PCDHGB5: variants seen among roughly 807,000 people sequenced by gnomAD.
The protein encoded by PCDHGB5 is protocadherin gamma-B5.
PCDHGB5 carries 48 observed loss-of-function variants against 62.9 expected under a neutral mutation model. The observed-to-expected ratio is 0.76, with a 90% CI of 0.61 to 0.97. The LOEUF is 0.97. Ranked by LOEUF, PCDHGB5 falls within the 50% of genes least tolerant of loss-of-function variation. PCDHGB5 has a pLI of 0.00. For synonymous variants in PCDHGB5, 474 were observed against 511.2 expected, an observed-to-expected ratio of 0.93 and a Z score of 0.98; for missense variants, 1,118 against 1,198.6, an observed-to-expected ratio of 0.93 and a Z score of 0.99.
chr5:141,502,173 T>C (rs1377892969), intron 2 of PCDHGB5, among the ~76,000 whole-genome samples: 2 of 152,178 alleles, frequency 1.3e-5, no homozygotes, highest in African/African-American at 4.8e-5. Flanking sequence ...AGTTGAGGAA[T>C]TTAACATTAA....
intron 1 of PCDHGB5, chr5:141,417,617 A>G (rs576281946): frequency 9.3e-6 from 6 of 646,206 alleles, no homozygotes; most frequent in African/African-American, 1.8e-5. Flanking sequence ...GCCAGTGCAG[A>G]GCAAGCGCTG....
rs200568923 is a variant in PCDHGB5 at position 141,413,794 on chromosome 5, G to A, written c.2397+13270G>A. On this transcript the variant is annotated intron_variant, in intron 1 of 3. Coordinates refer to ENST00000617380, the MANE Select transcript of PCDHGB5 (RefSeq NM_018925.3). The stretch of plus-strand genomic sequence containing the variant: ...GGTACTGGAGCACTCCCTAGATCGC[G>A]AGGAAGAGGCCATTCACCACCTGGT... 6.7e-5 allele frequency: 108 copies of A among 1,613,050 alleles called. No individual in the cohort carries two copies. Among genetic ancestry groups the A allele is most frequent in the Admixed American group, 8.3e-5 (5 of 59,990 alleles).
Position 141,423,601 on chromosome 5 carries a change from C to T in PCDHGB5, c.2397+23077C>T, listed in dbSNP as rs372165060. On this transcript the variant is annotated intron_variant, in intron 1 of 3. Transcript: ENST00000617380. The stretch of plus-strand genomic sequence containing the variant: ...GGAGAGCTGTGAGAAAAGCGAGCCA[C>T]TCTTGATAGCTGAAGACTCAGCTAT... The T allele has an allele frequency of 1.9e-6, 3 of 1,612,586 alleles. No homozygotes were observed. Among genetic ancestry groups the T allele is most frequent in the Admixed American group, 1.7e-5 (1 of 59,924 alleles).
intron 1 of PCDHGB5, among the ~76,000 whole-genome samples, chr5:141,463,380 A>G (rs994170903): frequency 2.0e-5 from 3 of 149,876 alleles, no homozygotes; most frequent in Admixed American, 6.7e-5. Context: ...ACAGTCTGAA[A>G]GTTGTCTCCA....
chr5:141,499,402 A>G (rs2099791723), intron 2 of PCDHGB5, among the ~76,000 whole-genome samples: 2 of 152,212 alleles, frequency 1.3e-5, no homozygotes, highest in South Asian at 4.1e-4. Context: ...GTACATGCTC[A>G]TTATAGAAAC....
chr5:141,474,970 A>G (rs1309289477), intron 1 of PCDHGB5, among the ~76,000 whole-genome samples: 4 of 152,212 alleles, frequency 2.6e-5, no homozygotes, highest in African/African-American at 9.6e-5. Context: ...TAATCATTAT[A>G]ATTTTGTTTG....
rs200715621 is a variant in PCDHGB5 at position 141,432,628 on chromosome 5, G to A, written c.2397+32104G>A. 3.2e-4 allele frequency: 515 copies of A among 1,611,902 alleles called. No individual in the cohort carries two copies. Among genetic ancestry groups the A allele is most frequent in the Non-Finnish European group, 4.2e-4 (497 of 1,179,404 alleles). On this transcript the variant is annotated intron_variant, in intron 1 of 3. Coordinates refer to ENST00000617380, the MANE Select transcript of PCDHGB5 (RefSeq NM_018925.3). The surrounding 1 kb of genome is among the most constrained non-coding windows in gnomAD (Gnocchi z 6.0). ...GACTCTTCTCGGTGGGTCTGCACAC[G>A]GGCGAGGTGCGCACGGCGCGAGCCC...
intron 1 of PCDHGB5, among the ~76,000 whole-genome samples, chr5:141,488,782 C>T (rs990081222): frequency 2.0e-5 from 3 of 152,178 alleles, no homozygotes; most frequent in Non-Finnish European, 1.5e-5. Flanking sequence ...TTTTGTATCA[C>T]TTTGTCTTCC....
intron 1 of PCDHGB5, chr5:141,430,634 C>A: frequency 1.1e-6 from 1 of 882,730 alleles, no homozygotes; most frequent in Non-Finnish European, 1.7e-6. Flanking sequence ...TGAACCATCC[C>A]TGGGAGTATG....
Position 141,485,432 on chromosome 5 carries a change from A to C in PCDHGB5, c.2398-9375A>C. The C allele has an allele frequency of 6.2e-7, 1 of 1,614,178 alleles. No individual in the cohort carries two copies. Among genetic ancestry groups the C allele is most frequent in the Non-Finnish European group, 8.5e-7 (1 of 1,180,028 alleles). ...TTTGGACAGCGGAGCCCTGCTCATC[A>C]AGAACCCAATCGACCGAGAGGCACT... On this transcript the variant is annotated intron_variant, in intron 1 of 3. Transcript: ENST00000617380. The surrounding 1 kb of genome is among the most constrained non-coding windows in gnomAD (Gnocchi z 5.7).
At chr5:141,442,674 A>G (rs2098335634) in intron 1 of PCDHGB5, among the ~76,000 whole-genome samples, 1 of 152,272 alleles carries the variant, frequency 6.6e-6, no homozygotes, top group Non-Finnish European at 1.5e-5. Context: ...GGTGAGCTTG[A>G]GGGACAGTAG....
chr5:141,458,823 C>T (rs1185812086), intron 1 of PCDHGB5, among the ~76,000 whole-genome samples: 1 of 152,126 alleles, frequency 6.6e-6, no homozygotes, highest in African/African-American at 2.4e-5. Flanking sequence ...ACCTCTGCCT[C>T]CCAGGCTCAA....
Position 141,476,091 on chromosome 5 carries a change from G to T in PCDHGB5, c.2398-18716G>T, listed in dbSNP as rs1470774975. The T allele has an allele frequency of 1.3e-6, 2 of 1,563,074 alleles. No homozygotes were observed. Among genetic ancestry groups the T allele is most frequent in the Non-Finnish European group, 1.7e-6 (2 of 1,159,286 alleles). On this transcript the variant is annotated intron_variant, in intron 1 of 3. Coordinates refer to ENST00000617380, the MANE Select transcript of PCDHGB5 (RefSeq NM_018925.3). This position sits in a 1 kb window ranked among gnomAD's most constrained non-coding sequence, Gnocchi z 7.6. ...AAATCTCAGGGACGATCTGGACCCC[G>T]CTGAGAGGAACTGCTTTTGAGTGAG...
chr5:141,457,480 G>A lies in PCDHGB5; in HGVS notation c.2398-37327G>A, dbSNP rs566798464. ...GATTCACAGGAATAAGCAGGGCCAGGGTTAGTCTAAAATGTAGGCAAAAAG... is the reference window on the plus strand; with the variant it reads ...GATTCACAGGAATAAGCAGGGCCAGAGTTAGTCTAAAATGTAGGCAAAAAG... On this transcript the variant is annotated intron_variant, in intron 1 of 3. Transcript: ENST00000617380. 2.0e-5 allele frequency among the ~76,000 whole-genome samples: 3 copies of A among 152,266 alleles called. No individual in the cohort carries two copies. In the South Asian group the frequency reaches 6.2e-4, roughly 32 times the overall value.
chr5:141,487,596 A>T lies in PCDHGB5; in HGVS notation c.2398-7211A>T. The stretch of plus-strand genomic sequence containing the variant: ...GTTCGCCCAAGCTGCCCACCCTCTG[A>T]TCTTCTCTATGGGCTAGAGGTGAGA... On this transcript the variant is annotated intron_variant, in intron 1 of 3. Transcript: ENST00000617380. The surrounding 1 kb of genome is among the most constrained non-coding windows in gnomAD (Gnocchi z 5.0). The T allele has an allele frequency of 1.2e-6, 2 of 1,614,108 alleles. No individual in the cohort carries two copies. Among genetic ancestry groups the T allele is most frequent in the Non-Finnish European group, 8.5e-7 (1 of 1,180,024 alleles).
chr5:141,478,435 G>A, intron 1 of PCDHGB5: 1 of 1,613,736 alleles, frequency 6.2e-7, no homozygotes, highest in Non-Finnish European at 8.5e-7. Context: ...ACCCGCTGCT[G>A]AAGAAACCTG....
intron 2 of PCDHGB5, 149 bp from the exon 3 acceptor site, chr5:141,505,244 T>C (rs886952348): frequency 7.0e-7 from 1 of 1,428,216 alleles, no homozygotes; most frequent in Non-Finnish European, 9.4e-7. Context: ...TGAAGGATTG[T>C]AGAAGTGCCT....
chr5:141,443,254 G>A (rs185181143), intron 1 of PCDHGB5, among the ~76,000 whole-genome samples: 30 of 152,006 alleles, frequency 2.0e-4, no homozygotes, highest in Admixed American at 1.6e-3. Context: ...GCCAAGGCGG[G>A]TGGATCACTT....
chr5:141,487,004 C>G lies in PCDHGB5; in HGVS notation c.2398-7803C>G. 1 of 1,614,224 alleles carries G rather than the reference C, an allele frequency of 6.2e-7. No homozygotes were observed. The highest frequency in any genetic ancestry group is 1.1e-5 in the South Asian group (1 of 91,086). On this transcript the variant is annotated intron_variant, in intron 1 of 3. Transcript: ENST00000617380. This position sits in a 1 kb window ranked among gnomAD's most constrained non-coding sequence, Gnocchi z 5.0. ...CAATGCTTGGGTTTCCTATCAGCTC[C>G]TGGAGGCCCCAGATCCCAGCCTGTT...
Sources: allele counts gnomAD v4.1 joint callset (sites outside exome capture counted in the v4.1 genomes callset), GRCh38; gene constraint gnomAD v4.1.1; non-coding constraint Gnocchi (gnomAD v3.1); transcripts MANE v1.5; gene names NCBI Gene and HGNC (gene_info 2026-07-23, HGNC 2026-07-21).